The following TMEM260 variants were observed in gnomAD, a reference collection of about 807,000 sequenced individuals.
The protein encoded by TMEM260 is protein O-mannosyl-transferase TMEM260.
TMEM260 carries 82 observed loss-of-function variants against 88.9 expected under a neutral mutation model. The ratio of observed to expected loss-of-function variants is 0.92; its 90% confidence interval spans 0.77 to 1.11. The LOEUF (loss-of-function observed/expected upper bound fraction) is 1.11. Among genes scored for constraint, TMEM260 ranks in the 50% least tolerant of loss-of-function variants. TMEM260 has a pLI of 0.00. For synonymous variants in TMEM260, 314 were observed against 309.3 expected (o/e 1.02, Z -0.16); for missense variants, 902 against 853.4 (o/e 1.06, Z -0.71).
At chr14:56,607,221 G>GT (rs1175528049) in intron 5 of TMEM260, among the ~76,000 whole-genome samples, 6 of 152,162 alleles carry the variant, frequency 3.9e-5, no homozygotes, top group Non-Finnish European at 7.4e-5. Flanking sequence ...TCTCCCTCTC[G>GT]TATTGGTCAT....
chr14:56,587,780 A>G (rs987277707), intron 3 of TMEM260, among the ~76,000 whole-genome samples: 3 of 152,024 alleles, frequency 2.0e-5, no homozygotes, highest in Non-Finnish European at 4.4e-5. Flanking sequence ...GTCCTTTGGG[A>G]ATAACCTAGT....
At chr14:56,596,806 T>C (rs1390292775) in intron 3 of TMEM260, among the ~76,000 whole-genome samples, 5 of 144,322 alleles carry the variant, frequency 3.5e-5, no homozygotes, top group African/African-American at 1.0e-4. Flanking sequence ...TATATATATA[T>C]ACACACACAC....
chr14:56,587,648 A>G (rs2139505187), intron 3 of TMEM260, among the ~76,000 whole-genome samples: 1 of 152,188 alleles, frequency 6.6e-6, no homozygotes, highest in East Asian at 1.9e-4. Flanking sequence ...TTTTAATAAT[A>G]TAGTATGTGC....
At chr14:56,619,774 A>G (rs1181467545) in intron 10 of TMEM260, among the ~76,000 whole-genome samples, 1 of 152,180 alleles carries the variant, frequency 6.6e-6, no homozygotes, top group Non-Finnish European at 1.5e-5. Flanking sequence ...CAACCCTGCA[A>G]TCTTATTACT....
intron 15 of TMEM260, among the ~76,000 whole-genome samples, chr14:56,639,805 G>A (rs932745911): frequency 6.6e-6 from 1 of 152,192 alleles, no homozygotes; most frequent in Non-Finnish European, 1.5e-5. Context: ...CTTTTCCAAT[G>A]GGCTTAACAA....
intron 3 of TMEM260, among the ~76,000 whole-genome samples, chr14:56,596,343 A>G (rs921148030): frequency 2.7e-5 from 4 of 150,034 alleles, no homozygotes; most frequent in Admixed American, 2.0e-4. Flanking sequence ...AAAAAATCAA[A>G]TAGTTTTTCT....
chr14:56,654,987 A>T (rs1267523033), downstream of TMEM260, among the ~76,000 whole-genome samples: 1 of 152,202 alleles, frequency 6.6e-6, no homozygotes, highest in Non-Finnish European at 1.5e-5. Context: ...GTGAAAATAT[A>T]GACTGTAGTA....
At chr14:56,659,022 G>A in the TMEM260 span, among the ~76,000 whole-genome samples, 8 of 152,076 alleles carry the variant, frequency 5.3e-5, no homozygotes, top group African/African-American at 7.2e-5. Context: ...GAGCCATCAC[G>A]CCCAACAAAA....
chr14:56,650,630 T>C (rs1172514035), downstream of TMEM260: 1 of 152,478 alleles, frequency 6.6e-6, no homozygotes, highest in African/African-American at 2.4e-5. Context: ...TCTTAGTGTT[T>C]TCTCTTGGTA....
At chr14:56,646,344 G>A (rs188081133) in intron 15 of TMEM260, among the ~76,000 whole-genome samples, 3 of 152,274 alleles carry the variant, frequency 2.0e-5, no homozygotes, top group African/African-American at 7.2e-5. Context: ...TTGTCCCTTG[G>A]AGAAAGCACT....
At chr14:56,633,341 C>T (rs756679944) in intron 13 of TMEM260, 170 bp downstream of exon 13, 3 of 529,264 alleles carry the variant, frequency 5.7e-6, no homozygotes, top group Non-Finnish European at 9.8e-6. Flanking sequence ...ATGTCCTTCT[C>T]GTTCTCCTAC....
At chr14:56,642,705 A>G (rs1296328605) in intron 15 of TMEM260, among the ~76,000 whole-genome samples, 2 of 152,226 alleles carry the variant, frequency 1.3e-5, no homozygotes, top group Admixed American at 6.5e-5. Flanking sequence ...CTTCAAAAAA[A>G]TCAATGAATC....
intron 7 of TMEM260, chr14:56,615,689 G>A (rs945475804): frequency 1.5e-5 from 6 of 406,416 alleles, no homozygotes; most frequent in African/African-American, 1.2e-4. Flanking sequence ...AAAAAATACA[G>A]AAGAATTATT....
chr14:56,636,657 G>A, intron 15 of TMEM260, 59 bp downstream of exon 15: 1 of 1,406,932 alleles, frequency 7.1e-7, no homozygotes, highest in Non-Finnish European at 1.0e-6. Context: ...GATGGTGATT[G>A]TTCAGAATGG....
At chr14:56,624,825 CT>C (rs962776785) in intron 11 of TMEM260, among the ~76,000 whole-genome samples, 8 of 135,168 alleles carry the variant, frequency 5.9e-5, no homozygotes, top group Non-Finnish European at 1.3e-4. Flanking sequence ...GGTCCCCAAC[CT>C]TTTTTACACC....
At chr14:56,604,355 GACTC>G (rs1386601645) in intron 4 of TMEM260, among the ~76,000 whole-genome samples, 3 of 152,108 alleles carry the variant, frequency 2.0e-5, no homozygotes, top group Non-Finnish European at 4.4e-5. Flanking sequence ...AGGATGCATT[GACTC>G]ACTCCTTAAT....
intron 3 of TMEM260, among the ~76,000 whole-genome samples, chr14:56,602,534 GT>G (rs1383606020): frequency 6.6e-6 from 1 of 152,124 alleles, no homozygotes; most frequent in Non-Finnish European, 1.5e-5. Context: ...GAAACTTGAT[GT>G]GATGTTATAT....
intron 3 of TMEM260, among the ~76,000 whole-genome samples, chr14:56,595,750 G>C (rs1886167501): frequency 6.6e-6 from 1 of 152,116 alleles, no homozygotes; most frequent in Non-Finnish European, 1.5e-5. Context: ...GCCTTGCAAA[G>C]TGCTGGGATT....
In TMEM260 at chr14:56,585,857, C is replaced by T. The variant is rs1396016572; in HGVS notation, c.289C>T (p.Leu97Phe). The T allele has an allele frequency of 1.2e-6, 2 of 1,613,538 alleles. No individual in the cohort carries two copies. The highest frequency in any genetic ancestry group is 1.7e-5 in the Admixed American group (1 of 59,966). The change falls in exon 3 of 16, where the codon CTC becomes TTC. Residue 97 changes from leucine to phenylalanine, a missense_variant. Transcript: ENST00000261556. ...FGSIAYRVNLLCGLFGAVAAS... is the reference protein window; with the variant it reads ...FGSIAYRVNLFCGLFGAVAAS... ...TTCAATTGCCTACCGCGTCAATCTT[C>T]TCTGTGGCTTATTTGGAGCAGTAGC... is the stretch of plus-strand genomic sequence containing the variant.
Sources: allele counts gnomAD v4.1 joint callset (sites outside exome capture counted in the v4.1 genomes callset), GRCh38; gene constraint gnomAD v4.1.1; transcripts MANE v1.5; gene names NCBI Gene and HGNC (gene_info 2026-07-23, HGNC 2026-07-21).